The following SLC41A3 variants were observed in gnomAD, a reference collection of about 807,000 sequenced individuals.
The protein encoded by SLC41A3 is solute carrier family 41 member 3.
In SLC41A3, 44 loss-of-function variants were observed where a neutral mutation model predicts 45.4. The ratio of observed to expected loss-of-function variants is 0.97; its 90% CI spans 0.76 to 1.25. The LOEUF is 1.25. Among genes scored for constraint, SLC41A3 ranks in the 50% most tolerant of loss-of-function variants. SLC41A3 has a pLI of 0.00. For missense variants in SLC41A3, 550 were observed against 600.6 expected (o/e 0.92, Z 0.88); for synonymous variants, 256 against 252.4 (o/e 1.01, Z -0.13).
chr3:126,016,933 T>G, intron 6 of SLC41A3, 58 bp from the exon 7 acceptor site: 1 of 1,585,698 alleles, frequency 6.3e-7, no homozygotes, highest in Non-Finnish European at 8.5e-7. Flanking sequence ...ACACACAGGC[T>G]GGGCCTGGGT....
chr3:126,072,026 C>T (rs1217880066), intron 1 of SLC41A3, among the ~76,000 whole-genome samples: 4 of 152,044 alleles, frequency 2.6e-5, no homozygotes, highest in Non-Finnish European at 4.4e-5. Flanking sequence ...CTGCTCACCT[C>T]GGCCTCCCAA....
At chr3:126,013,172 C>A (rs1255053608) in intron 8 of SLC41A3, among the ~76,000 whole-genome samples, 2 of 151,684 alleles carry the variant, frequency 1.3e-5, no homozygotes, top group African/African-American at 4.8e-5. Context: ...TGACAGGAAA[C>A]AGACTACAGC....
chr3:126,094,406 C>G (rs1329972602), intron 1 of SLC41A3, among the ~76,000 whole-genome samples: 2 of 152,182 alleles, frequency 1.3e-5, no homozygotes, highest in Non-Finnish European at 2.9e-5. Context: ...AAATTAGTTA[C>G]TGAACAATTA....
At chr3:126,083,018 T>C (rs1196351033) in intron 1 of SLC41A3, among the ~76,000 whole-genome samples, 1 of 152,234 alleles carries the variant, frequency 6.6e-6, no homozygotes, top group Non-Finnish European at 1.5e-5. Context: ...AAACTTTCTG[T>C]ACCTCTGTTG....
rs1256613263 is a variant in SLC41A3 at position 126,026,314 on chromosome 3, C to T, written c.598+21G>A. Reference sequence around the variant, plus strand: ...GAGGAGCAGGGAGCGGGTGGGGGCTCACAGCTGGGGCATGGCTCACCCAGG... The same window carrying T: ...GAGGAGCAGGGAGCGGGTGGGGGCTTACAGCTGGGGCATGGCTCACCCAGG... On this transcript the variant is annotated intron_variant, in intron 5 of 10. Coordinates refer to ENST00000360370, the MANE Select transcript of SLC41A3 (RefSeq NM_017836.4). This position sits in a 1 kb window ranked among gnomAD's most constrained non-coding sequence, Gnocchi z 4.2. 1 of 1,554,298 alleles carries T rather than the reference C, an allele frequency of 6.4e-7. No homozygotes were observed. The highest frequency in any genetic ancestry group is 1.2e-5 in the South Asian group (1 of 84,246).
chr3:126,077,195 T>C (rs1944918962), intron 1 of SLC41A3, among the ~76,000 whole-genome samples: 1 of 152,018 alleles, frequency 6.6e-6, no homozygotes, highest in Admixed American at 6.6e-5. Context: ...TTGGCCAACA[T>C]GGTGAGACCT....
chr3:126,056,312 G>T (rs1411910257), intron 2 of SLC41A3: 2 of 1,588,200 alleles, frequency 1.3e-6, no homozygotes, highest in Non-Finnish European at 1.7e-6. Flanking sequence ...AGGAGACCCA[G>T]TCTGTGTGTC....
upstream of SLC41A3, among the ~76,000 whole-genome samples, chr3:126,086,922 GATCAAAAAATACTA>G (rs1208285838): frequency 1.1e-4 from 16 of 152,006 alleles, no homozygotes; most frequent in Admixed American, 2.0e-4. Context: ...TTAAATACTT[GATCAAAAAATACTA>G]ATCAATGCTT....
At chr3:126,067,105 C>T (rs1944388821) in intron 2 of SLC41A3, among the ~76,000 whole-genome samples, 1 of 132,632 alleles carries the variant, frequency 7.5e-6, no homozygotes, top group African/African-American at 2.9e-5. Flanking sequence ...CCCCCCGCCC[C>T]CCGCCCCGGC....
intron 6 of SLC41A3, among the ~76,000 whole-genome samples, chr3:126,019,629 G>A (rs988028388): frequency 2.6e-5 from 4 of 152,156 alleles, no homozygotes; most frequent in Non-Finnish European, 4.4e-5. Context: ...AAGAAGAAAT[G>A]GACAAAAAGA....
intron 2 of SLC41A3, among the ~76,000 whole-genome samples, chr3:126,065,479 G>C (rs1369475936): frequency 6.6e-6 from 1 of 152,208 alleles, no homozygotes; most frequent in Non-Finnish European, 1.5e-5. Context: ...AACCGATGCA[G>C]ACCAGCACGA....
chr3:126,015,944 C>A (rs1321501066), intron 7 of SLC41A3, among the ~76,000 whole-genome samples: 1 of 152,234 alleles, frequency 6.6e-6, no homozygotes, highest in Non-Finnish European at 1.5e-5. Flanking sequence ...CTCATGCCCA[C>A]CCCATGTTCT....
chr3:126,086,268 G>C (rs1343318773), upstream of SLC41A3, among the ~76,000 whole-genome samples: 5 of 152,018 alleles, frequency 3.3e-5, no homozygotes, highest in Non-Finnish European at 7.4e-5. Context: ...AGAGCCCTAA[G>C]GTCAACCTGT....
Position 126,074,676 on chromosome 3 carries a change from T to G in SLC41A3, c.-27-6430A>C, listed in dbSNP as rs151147684. ...TGTTTGGGTTTTTGGGTTGTTTGGT[T>G]GTTGTTTTTTTTTTGTTGTTTTGAG... On this transcript the variant is annotated intron_variant, in intron 1 of 10. Coordinates refer to ENST00000360370, the MANE Select transcript of SLC41A3 (RefSeq NM_017836.4). Among the ~76,000 whole-genome samples the G allele has an allele frequency of 5.7e-3, 865 of 151,550 alleles. 4 individuals are homozygous for G. Among genetic ancestry groups the G allele is most frequent in the African/African-American group, 0.019 (799 of 41,234 alleles).
Position 126,051,063 on chromosome 3 carries a change from CAGTA to C in SLC41A3, c.274-17_274-14del, listed in dbSNP as rs776010150. 9 of 1,584,068 alleles carry C rather than the reference CAGTA, an allele frequency of 5.7e-6. No homozygotes were observed. Among genetic ancestry groups the C allele is most frequent in the Non-Finnish European group, 7.7e-6 (9 of 1,163,432 alleles). On this transcript the variant is annotated splice_polypyrimidine_tract_variant and intron_variant, in intron 2 of 10. Coordinates refer to ENST00000360370, the MANE Select transcript of SLC41A3 (RefSeq NM_017836.4). ...ACACAGGCCAGTGCTGGTAGGGAAACAGTAAGGAGATAAGCCAAACACACACATC... is the reference window on the plus strand; with the variant it reads ...ACACAGGCCAGTGCTGGTAGGGAAACAGGAGATAAGCCAAACACACACATC...
chr3:126,059,295 A>AAAGAAAGAAAGAGAGAGAAAG (rs1943911400), intron 2 of SLC41A3, among the ~76,000 whole-genome samples: 1 of 127,534 alleles, frequency 7.8e-6, no homozygotes, highest in Admixed American at 7.9e-5. Flanking sequence ...AGAAAGAAAG[A>AAAGAAAGAAAGAGAGAGAAAG]AAGAAAGAAA....
At chr3:126,050,231 C>T (rs1432422517) in intron 3 of SLC41A3, among the ~76,000 whole-genome samples, 1 of 152,190 alleles carries the variant, frequency 6.6e-6, no homozygotes, top group African/African-American at 2.4e-5. Context: ...CCTGCCCCCA[C>T]CCCACCTGCC....
intron 2 of SLC41A3, among the ~76,000 whole-genome samples, chr3:126,054,669 G>T (rs1475574009): frequency 6.6e-6 from 1 of 151,564 alleles, no homozygotes; most frequent in Non-Finnish European, 1.5e-5. Context: ...TACCTTTAAA[G>T]TCCAAATCAA....
chr3:126,084,324 TG>T (rs1162485116), upstream of SLC41A3: 1 of 151,954 alleles, frequency 6.6e-6, no homozygotes, highest in Non-Finnish European at 1.5e-5. Context: ...GGGACGGAAG[TG>T]GGGGACCGAG....
Sources: allele counts gnomAD v4.1 joint callset (sites outside exome capture counted in the v4.1 genomes callset), GRCh38; gene constraint gnomAD v4.1.1; non-coding constraint Gnocchi (gnomAD v3.1); transcripts MANE v1.5; gene names NCBI Gene and HGNC (gene_info 2026-07-23, HGNC 2026-07-21).